FMNL2: variants seen among roughly 807,000 people sequenced by gnomAD.
The protein encoded by FMNL2 is formin-like protein 2.
In FMNL2, 51 loss-of-function variants were observed where a neutral mutation model predicts 130.2. That is an observed-to-expected ratio of 0.39 (90% CI 0.31 to 0.49). The LOEUF (loss-of-function observed/expected upper bound fraction) is 0.49. FMNL2 is among the 20% of genes least tolerant of loss of function. The pLI is 0.85. For synonymous variants in FMNL2, 465 were observed against 467.1 expected (o/e 1.00, Z 0.06); for missense variants, 977 against 1,316.2 (o/e 0.74, Z 3.99).
chr2:152,634,923 C>CT (rs142470732), intron 21 of FMNL2, among the ~76,000 whole-genome samples: 146 of 150,352 alleles, frequency 9.7e-4, no homozygotes, highest in Middle Eastern at 7.1e-3. Flanking sequence ...GTGACCATGA[C>CT]TTCTTTTTTT....
chr2:152,637,689 C>A lies in FMNL2; in HGVS notation c.2946+15C>A. The A allele has an allele frequency of 6.2e-7, 1 of 1,605,904 alleles. No homozygotes were observed. The highest frequency in any genetic ancestry group is 8.5e-7 in the Non-Finnish European group (1 of 1,173,452). On this transcript the variant is annotated intron_variant, in intron 23 of 25. Transcript: ENST00000288670. ...AAGCATATAAGGTATATGTTAAGGC[C>A]CTCCTTGCCCTTATTTCTCAAGCAA...
At chr2:152,465,807 G>A (rs551331412) in intron 1 of FMNL2, among the ~76,000 whole-genome samples, 134 of 152,298 alleles carry the variant, frequency 8.8e-4, no homozygotes, top group Middle Eastern at 3.4e-3. Flanking sequence ...GTGGGCTTGC[G>A]CCTAGAGCAA....
At chr2:152,390,664 G>T (rs113754601) in intron 1 of FMNL2, 22 of 795,592 alleles carry the variant, frequency 2.8e-5, no homozygotes, top group African/African-American at 2.5e-4. Context: ...TGAACTCTTG[G>T]GGCTGAGCTA....
intron 1 of FMNL2, among the ~76,000 whole-genome samples, chr2:152,341,033 G>C (rs1681769542): frequency 6.6e-6 from 1 of 152,172 alleles, no homozygotes; most frequent in Non-Finnish European, 1.5e-5. Context: ...CCACTGCAAG[G>C]TGTTGCTCCC....
chr2:152,551,506 C>A (rs966599406), intron 4 of FMNL2, among the ~76,000 whole-genome samples: 3 of 152,186 alleles, frequency 2.0e-5, no homozygotes, highest in African/African-American at 7.2e-5. Flanking sequence ...ACCACACAAC[C>A]AGATTGTGAC....
intron 1 of FMNL2, among the ~76,000 whole-genome samples, chr2:152,474,708 A>G (rs1343424644): frequency 6.6e-6 from 1 of 151,806 alleles, no homozygotes; most frequent in Non-Finnish European, 1.5e-5. Flanking sequence ...AAAACAAAAA[A>G]CAGATGCAGT....
chr2:152,375,850 G>GCTCTCTCTCTCTCT (rs71394477), intron 1 of FMNL2, among the ~76,000 whole-genome samples: 16 of 100,586 alleles, frequency 1.6e-4, no homozygotes, highest in East Asian at 1.0e-3. Context: ...AGCCATTGAA[G>GCTCTCTCTCTCTCT]CTCTCTCTCT....
intron 9 of FMNL2, among the ~76,000 whole-genome samples, chr2:152,599,907 G>A (rs1348607702): frequency 6.6e-6 from 1 of 152,186 alleles, no homozygotes; most frequent in Non-Finnish European, 1.5e-5. Context: ...AGGTTGGAGT[G>A]ATCTGCTTCT....
rs563791535 is a variant in FMNL2, at chr2:152,488,414, C to T, written c.118-33529C>T. ...TATTGGCATTGAAGGCCAAGACACA[C>T]GAGCAATACTTGCACAATCAAAAGT... On this transcript the variant is annotated intron_variant, in intron 1 of 25. Coordinates refer to ENST00000288670, the MANE Select transcript of FMNL2 (RefSeq NM_052905.4). Among the ~76,000 whole-genome samples, 14 of 152,284 alleles carry T rather than the reference C, an allele frequency of 9.2e-5. No homozygotes were observed. In the South Asian group the frequency reaches 1.0e-3, roughly 11 times the overall value.
At chr2:152,533,679 T>A (rs1693833942) in intron 2 of FMNL2, among the ~76,000 whole-genome samples, 1 of 151,982 alleles carries the variant, frequency 6.6e-6, no homozygotes, top group South Asian at 2.1e-4. Flanking sequence ...GAAGATGCAC[T>A]GGCTCTGTAG....
At chr2:152,392,634 C>G (rs767085295) in intron 1 of FMNL2, among the ~76,000 whole-genome samples, 3 of 152,106 alleles carry the variant, frequency 2.0e-5, no homozygotes, top group Non-Finnish European at 4.4e-5. Flanking sequence ...TTATAAGAGC[C>G]TTAATCCCAT....
intron 1 of FMNL2, among the ~76,000 whole-genome samples, chr2:152,402,960 G>A (rs1477840831): frequency 2.0e-5 from 3 of 152,076 alleles, no homozygotes; most frequent in Non-Finnish European, 4.4e-5. Flanking sequence ...GGCTATTTTT[G>A]GTTGTGACAG....
chr2:152,489,378 T>C (rs1691015267), intron 1 of FMNL2, among the ~76,000 whole-genome samples: 1 of 152,188 alleles, frequency 6.6e-6, no homozygotes, highest in African/African-American at 2.4e-5. Flanking sequence ...CACTTAACAG[T>C]ATGCATTTCA....
chr2:152,422,985 G>A (rs1356780318), intron 1 of FMNL2, among the ~76,000 whole-genome samples: 2 of 152,104 alleles, frequency 1.3e-5, no homozygotes, highest in Non-Finnish European at 2.9e-5. Flanking sequence ...AGGTTCTCTA[G>A]CTGGCTATGA....
chr2:152,599,773 T>G (rs1351036259), intron 9 of FMNL2, among the ~76,000 whole-genome samples: 2 of 152,196 alleles, frequency 1.3e-5, no homozygotes, highest in Non-Finnish European at 2.9e-5. Flanking sequence ...AGAATACATT[T>G]AGTTGCTTAG....
rs144061151 is a variant in FMNL2, at chr2:152,402,186, G to A, written c.117+66466G>A. Among the ~76,000 whole-genome samples the A allele has an allele frequency of 5.1e-3, 784 of 152,290 alleles. 3 individuals carry two copies. The highest frequency in any genetic ancestry group is 8.9e-3 in the Non-Finnish European group (605 of 68,010). Reference sequence around the variant, plus strand: ...CAAAGTGCTGAGATTACAGGCGTGAGCCACTACGCCCGGCCGTGTTTGATC... The same window carrying A: ...CAAAGTGCTGAGATTACAGGCGTGAACCACTACGCCCGGCCGTGTTTGATC... On this transcript the variant is annotated intron_variant, in intron 1 of 25. Transcript: ENST00000288670.
chr2:152,559,393 A>G (rs1411406870), intron 5 of FMNL2, among the ~76,000 whole-genome samples: 1 of 152,054 alleles, frequency 6.6e-6, no homozygotes, highest in Non-Finnish European at 1.5e-5. Context: ...GCTCACTGCA[A>G]CCTCTGATCA....
At chr2:152,482,790 T>C (rs10194603) in intron 1 of FMNL2, among the ~76,000 whole-genome samples, 18,359 of 152,202 alleles carry the variant, frequency 0.12, 1,359 homozygotes, top group East Asian at 0.27. Flanking sequence ...CTACCTACCC[T>C]TCTAATTACT....
chr2:152,614,796 T>A (rs1185268405), intron 11 of FMNL2, 55 bp from the exon 12 acceptor site: 2 of 1,478,994 alleles, frequency 1.4e-6, no homozygotes, highest in South Asian at 1.3e-5. Flanking sequence ...TAGGAAATGA[T>A]GTTCTATTTC....
Sources: allele counts gnomAD v4.1 joint callset (sites outside exome capture counted in the v4.1 genomes callset), GRCh38; gene constraint gnomAD v4.1.1; transcripts MANE v1.5; gene names NCBI Gene and HGNC (gene_info 2026-07-23, HGNC 2026-07-21).